Variants in HS6ST2 observed in about 807,000 individuals in gnomAD.
HS6ST2 encodes the protein heparan sulfate 6-O-sulfotransferase 2.
HS6ST2 carries 17 observed loss-of-function variants against 33.0 expected under a neutral mutation model. The ratio of observed to expected loss-of-function variants is 0.52; its 90% CI spans 0.35 to 0.77. The LOEUF is 0.77. HS6ST2 is among the 30% of genes least tolerant of loss of function. HS6ST2 has a pLI of 0.01. For missense variants in HS6ST2, 519 were observed against 551.7 expected, an observed-to-expected ratio of 0.94 and a Z score of 0.59; for synonymous variants, 248 against 237.1, an observed-to-expected ratio of 1.05 and a Z score of -0.42.
intron 2 of HS6ST2, among the ~76,000 whole-genome samples, chrX:132,797,320 C>T (rs1383985932): frequency 9.0e-6 from 1 of 111,232 alleles, no homozygotes; most frequent in Non-Finnish European, 1.9e-5. Context: ...AATGCCAAGC[C>T]CTTTATATAT....
At chrX:132,901,405 C>T (rs184924374) in intron 2 of HS6ST2, among the ~76,000 whole-genome samples, 156 of 111,260 alleles carry the variant, frequency 1.4e-3, no homozygotes, top group African/African-American at 5.0e-3. Context: ...AGGAAAAACA[C>T]AAAATAAAGA....
chrX:132,701,982 C>T (rs1447156941), intron 3 of HS6ST2, among the ~76,000 whole-genome samples: 3 of 112,204 alleles, frequency 2.7e-5, no homozygotes, highest in Non-Finnish European at 5.6e-5. Context: ...CTCTAGCTGG[C>T]AGAGGTTAAA....
intron 2 of HS6ST2, among the ~76,000 whole-genome samples, chrX:132,912,704 G>A (rs2066546747): frequency 9.0e-6 from 1 of 111,680 alleles, no homozygotes; most frequent in African/African-American, 3.3e-5. Context: ...TTCTGCTTTT[G>A]CTCCTGCCTC....
At chrX:132,770,413 C>T (rs1173675835) in intron 2 of HS6ST2, among the ~76,000 whole-genome samples, 1 of 111,899 alleles carries the variant, frequency 8.9e-6, no homozygotes, top group Admixed American at 9.5e-5. Flanking sequence ...CTAACTCAAG[C>T]TCTGACACAT....
chrX:132,955,804 G>C (rs975469022), intron 2 of HS6ST2, among the ~76,000 whole-genome samples: 9 of 112,772 alleles, frequency 8.0e-5, no homozygotes, highest in Non-Finnish European at 1.7e-4. Flanking sequence ...ACTGGACATC[G>C]CGTCTGGAGG....
At chrX:132,655,815 C>T (rs1244181815) in intron 4 of HS6ST2, among the ~76,000 whole-genome samples, 1 of 111,503 alleles carries the variant, frequency 9.0e-6, no homozygotes, top group Admixed American at 9.5e-5. Flanking sequence ...AAAATAGCTA[C>T]AATGTGTATG....
chrX:132,922,924 G>A (rs889846137), intron 2 of HS6ST2, among the ~76,000 whole-genome samples: 7 of 110,176 alleles, frequency 6.4e-5, no homozygotes, highest in Non-Finnish European at 9.5e-5. Flanking sequence ...TTAGCCGGGC[G>A]TGGTAGCACA....
chrX:132,681,553 G>C (rs1178901068), intron 3 of HS6ST2, among the ~76,000 whole-genome samples: 1 of 111,819 alleles, frequency 8.9e-6, no homozygotes, highest in Non-Finnish European at 1.9e-5. Context: ...GGGAGGCCAA[G>C]GCAGGAGGAT....
intron 4 of HS6ST2, among the ~76,000 whole-genome samples, chrX:132,636,286 C>T (rs2063550641): frequency 9.0e-6 from 1 of 111,535 alleles, no homozygotes; most frequent in African/African-American, 3.3e-5. Context: ...CTAGATGTCA[C>T]TATGAAATAA....
At chrX:132,862,509 TAC>T (rs1445770172) in intron 2 of HS6ST2, among the ~76,000 whole-genome samples, 1 of 112,424 alleles carries the variant, frequency 8.9e-6, no homozygotes, top group Non-Finnish European at 1.9e-5. Flanking sequence ...GTAGCTTCTC[TAC>T]ATGTAATATG....
chrX:132,877,785 A>T (rs1885309956), intron 2 of HS6ST2, among the ~76,000 whole-genome samples: 1 of 110,850 alleles, frequency 9.0e-6, no homozygotes, highest in Non-Finnish European at 1.9e-5. Context: ...AATAAGCTAC[A>T]CCTTGACAAG....
rs142041210 is a variant in HS6ST2, at chrX:132,695,772, A to T, written c.980+12690T>A. On this transcript the variant is annotated intron_variant, in intron 3 of 4. Coordinates refer to ENST00000370833, the MANE Select transcript of HS6ST2 (RefSeq NM_001394073.1). ...ATTCTCTTCATTTCCATGCCCCTGC[A>T]AACAAGACTCACAAAAGTTTAAAAG... Among the ~76,000 whole-genome samples, 934 of 112,189 alleles carry T rather than the reference A, an allele frequency of 8.3e-3. 7 individuals are homozygous for T. Among genetic ancestry groups the T allele is most frequent in the African/African-American group, 0.028 (866 of 30,888 alleles).
intron 2 of HS6ST2, among the ~76,000 whole-genome samples, chrX:132,845,199 A>T (rs1260742149): frequency 9.1e-6 from 1 of 110,009 alleles, no homozygotes; most frequent in Admixed American, 9.8e-5. Context: ...AGTCTCAATC[A>T]CTGATTAATC....
Position 132,626,875 on chromosome X carries a change from A to G in HS6ST2, c.*1348T>C, listed in dbSNP as rs2063483382. On this transcript the variant is annotated 3_prime_UTR_variant, in exon 5 of 5. Transcript: ENST00000370833. The stretch of plus-strand genomic sequence containing the variant: ...ATTTTTGCATCGACTTACACTACCA[A>G]ATTACTCTGCTCAACTCATATGTTC... The G allele has an allele frequency of 8.9e-6, 1 of 112,139 alleles. No individual in the cohort carries two copies. The highest frequency in any genetic ancestry group is 9.5e-5 in the Admixed American group (1 of 10,540). The allele number at this position is 112,139 out of a possible 1,213,427, so 9.2% of individuals were successfully genotyped here.
intron 2 of HS6ST2, among the ~76,000 whole-genome samples, chrX:132,838,417 T>A (rs978811442): frequency 1.8e-5 from 2 of 111,748 alleles, no homozygotes; most frequent in Non-Finnish European, 3.8e-5. Context: ...TGAAGGGAGC[T>A]ATGAGATCTC....
intron 2 of HS6ST2, among the ~76,000 whole-genome samples, chrX:132,735,783 CT>C (rs1265161219): frequency 3.6e-5 from 4 of 112,054 alleles, no homozygotes; most frequent in African/African-American, 1.3e-4. Flanking sequence ...CACTATTCAT[CT>C]TCTCCCTTAA....
At chrX:132,637,875 AATATATATATAATATTTTATATATAAT>A (rs1569475979) in intron 4 of HS6ST2, among the ~76,000 whole-genome samples, 1 of 37,033 alleles carries the variant, frequency 2.7e-5, no homozygotes, top group African/African-American at 2.0e-4. Context: ...TATTATATAT[AATATATATATAATATTTTATATATAAT>A]ATTATATATA....
intron 2 of HS6ST2, among the ~76,000 whole-genome samples, chrX:132,716,588 C>T (rs1240122177): frequency 8.9e-6 from 1 of 111,773 alleles, no homozygotes; most frequent in Non-Finnish European, 1.9e-5. Flanking sequence ...ATTCTCCAAA[C>T]GCAAGCACCT....
chrX:132,814,304 GT>G (rs1388226449), intron 2 of HS6ST2, among the ~76,000 whole-genome samples: 10 of 111,738 alleles, frequency 8.9e-5, no homozygotes, highest in African/African-American at 2.9e-4. Flanking sequence ...AAGTTCAGGA[GT>G]TGGTGTGGTA....
Sources: gnomAD v4.1 joint callset for allele counts (sites outside exome capture counted in the v4.1 genomes callset) on GRCh38, gnomAD v4.1.1 for gene constraint, MANE v1.5 for transcripts, NCBI Gene and HGNC (gene_info 2026-07-23, HGNC 2026-07-21) for gene names.